Variants in DACH1 observed in about 807,000 individuals in gnomAD.
The protein encoded by DACH1 is dachshund homolog 1.
A neutral mutation model predicts 54.2 loss-of-function variants in DACH1; 12 were observed. The ratio of observed to expected loss-of-function variants is 0.22; its 90% CI spans 0.14 to 0.36. DACH1 has a LOEUF of 0.36. Ranked by LOEUF, DACH1 falls within the 10% of genes least tolerant of loss-of-function variation. DACH1 has a pLI of 1.00. For missense variants in DACH1, 805 were observed against 929.8 expected (o/e 0.87, Z 1.75); for synonymous variants, 386 against 366.2 (o/e 1.05, Z -0.62).
chr13:71,772,891 T>C (rs1371117817), intron 1 of DACH1, among the ~76,000 whole-genome samples: 2 of 151,820 alleles, frequency 1.3e-5, no homozygotes, highest in Non-Finnish European at 3.0e-5. Flanking sequence ...CTCTCTAAAA[T>C]GTATACTCAT....
chr13:71,456,628 A>T (rs1875586511), intron 10 of DACH1, among the ~76,000 whole-genome samples: 1 of 152,060 alleles, frequency 6.6e-6, no homozygotes, highest in Admixed American at 6.6e-5. Flanking sequence ...ACGATAGCAA[A>T]CTGTTCAATG....
chr13:71,758,931 CTTTT>C (rs71751089), intron 1 of DACH1, among the ~76,000 whole-genome samples: 1 of 145,750 alleles, frequency 6.9e-6, no homozygotes, highest in Non-Finnish European at 1.5e-5. Flanking sequence ...CAGTCTTTGT[CTTTT>C]TTTTTTTTTC....
In DACH1 at chr13:71,558,964, A is replaced by G. The variant is rs905915250; in HGVS notation, c.1435+856T>C. On this transcript the variant is annotated intron_variant, in intron 5 of 10. Coordinates refer to ENST00000613252, the MANE Select transcript of DACH1 (RefSeq NM_080759.6). The stretch of plus-strand genomic sequence containing the variant: ...AAATAACTTAAATAAACTTTGTACA[A>G]TTAGATGAAGTGTATGCTATAAACA... 2.0e-5 allele frequency among the ~76,000 whole-genome samples: 3 copies of G among 152,092 alleles called. No homozygotes were observed. In the South Asian group the frequency reaches 6.2e-4, roughly 32 times the overall value.
At chr13:71,799,420 C>CT (rs1007540530) in intron 1 of DACH1, among the ~76,000 whole-genome samples, 5 of 152,062 alleles carry the variant, frequency 3.3e-5, no homozygotes, top group Non-Finnish European at 4.4e-5. Flanking sequence ...ATGCTATTCT[C>CT]TTTTTTCTGC....
At chr13:71,479,404 C>G in intron 7 of DACH1, 88 bp from the exon 8 acceptor site, 1 of 1,339,266 alleles carries the variant, frequency 7.5e-7, no homozygotes. Flanking sequence ...AGCAAAGAAC[C>G]CAGTGATCAA....
At chr13:71,521,545 T>A (rs1881598079) in intron 6 of DACH1, among the ~76,000 whole-genome samples, 1 of 151,998 alleles carries the variant, frequency 6.6e-6, no homozygotes, top group African/African-American at 2.4e-5. Flanking sequence ...TCAAAATGAT[T>A]CTTCAGTCTT....
At chr13:71,830,759 C>A (rs1205284632) in intron 1 of DACH1, among the ~76,000 whole-genome samples, 2 of 151,764 alleles carry the variant, frequency 1.3e-5, no homozygotes, top group African/African-American at 2.4e-5. Context: ...CTATCTTATG[C>A]CTAATAAAAA....
chr13:71,696,884 T>A (rs903841863), intron 1 of DACH1, among the ~76,000 whole-genome samples: 7 of 152,270 alleles, frequency 4.6e-5, no homozygotes, highest in East Asian at 3.9e-4. Flanking sequence ...ATTCCACGAC[T>A]CTGAATATAT....
rs183433478 is a variant in DACH1, at chr13:71,638,246, G to A, written c.965-7529C>T. Among the ~76,000 whole-genome samples the A allele has an allele frequency of 1.9e-3, 294 of 152,162 alleles. 1 individual carries two copies. The highest frequency in any genetic ancestry group is 0.012 in the South Asian group (58 of 4,818). On this transcript the variant is annotated intron_variant, in intron 2 of 10. Transcript: ENST00000613252. Reference sequence around the variant, plus strand: ...CTACTGATTATTCAGAGAGACAGGCGGCTTATAAATATCTCATCACTCCAC... The same window carrying A: ...CTACTGATTATTCAGAGAGACAGGCAGCTTATAAATATCTCATCACTCCAC...
chr13:71,497,933 C>T (rs1879585188), intron 6 of DACH1, among the ~76,000 whole-genome samples: 1 of 151,716 alleles, frequency 6.6e-6, no homozygotes, highest in African/African-American at 2.4e-5. Context: ...CATACACACA[C>T]AGTACAGGTT....
chr13:71,820,383 T>C (rs1888139296), intron 1 of DACH1, among the ~76,000 whole-genome samples: 1 of 152,136 alleles, frequency 6.6e-6, no homozygotes, highest in Admixed American at 6.5e-5. Flanking sequence ...GGAGATGTGA[T>C]TGCTCATGAG....
intron 10 of DACH1, among the ~76,000 whole-genome samples, chr13:71,444,179 T>C (rs1010801526): frequency 4.6e-5 from 7 of 152,178 alleles, no homozygotes; most frequent in African/African-American, 1.7e-4. Flanking sequence ...TGGACTGTTC[T>C]AAAGATAATT....
chr13:71,697,474 T>A (rs565037976), intron 1 of DACH1, among the ~76,000 whole-genome samples: 1 of 152,326 alleles, frequency 6.6e-6, no homozygotes, highest in African/African-American at 2.4e-5. Flanking sequence ...TCTGGATTTA[T>A]CTTAGCTCTT....
chr13:71,568,054 G>C (rs539478922), intron 4 of DACH1, among the ~76,000 whole-genome samples: 5 of 151,990 alleles, frequency 3.3e-5, no homozygotes, highest in African/African-American at 1.2e-4. Context: ...GTCGTTTAAC[G>C]TAATAAAGGA....
At chr13:71,684,154 G>T in intron 1 of DACH1, among the ~76,000 whole-genome samples, 1 of 151,838 alleles carries the variant, frequency 6.6e-6, no homozygotes, top group East Asian at 1.9e-4. Context: ...TTGATACATG[G>T]TTACAGCTTT....
intron 10 of DACH1, among the ~76,000 whole-genome samples, chr13:71,460,896 G>A (rs546920486): frequency 1.3e-5 from 2 of 152,076 alleles, no homozygotes; most frequent in Admixed American, 1.3e-4. Flanking sequence ...TACAAGAAAT[G>A]TATTCCAAAG....
rs192109650 is a variant in DACH1, at chr13:71,438,811, A to G, written c.*1844T>C. 1.0e-4 allele frequency: 16 copies of G among 152,608 alleles called. No individual in the cohort carries two copies. Among genetic ancestry groups the G allele is most frequent in the Admixed American group, 5.2e-4 (8 of 15,272 alleles). The allele number at this position is 152,608 out of a possible 1,614,324, so 9.5% of individuals were successfully genotyped here. Reference sequence around the variant, plus strand: ...AAGAATCCCTTGTGCTCAAACAACAAAAGGTGGTTATGGAAGAACTATGCT... The same window carrying G: ...AAGAATCCCTTGTGCTCAAACAACAGAAGGTGGTTATGGAAGAACTATGCT... On this transcript the variant is annotated 3_prime_UTR_variant, in exon 11 of 11. Coordinates refer to ENST00000613252, the MANE Select transcript of DACH1 (RefSeq NM_080759.6).
intron 1 of DACH1, among the ~76,000 whole-genome samples, chr13:71,694,120 A>G (rs1470080336): frequency 6.6e-6 from 1 of 152,170 alleles, no homozygotes; most frequent in Non-Finnish European, 1.5e-5. Flanking sequence ...GCATGTTTTC[A>G]CCCTTCACTG....
chr13:71,783,856 CT>C (rs1886481159), intron 1 of DACH1, among the ~76,000 whole-genome samples: 1 of 148,740 alleles, frequency 6.7e-6, no homozygotes, highest in Admixed American at 6.7e-5. Context: ...TTTTTGTTTC[CT>C]TTTTTAAGAG....
Sources: gnomAD v4.1 joint callset for allele counts (sites outside exome capture counted in the v4.1 genomes callset) on GRCh38, gnomAD v4.1.1 for gene constraint, MANE v1.5 for transcripts, NCBI Gene and HGNC (gene_info 2026-07-23, HGNC 2026-07-21) for gene names.